The following PSPH variants were observed in gnomAD, a reference collection of about 807,000 sequenced individuals.
PSPH encodes L-3-phosphoserine phosphatase.
PSPH carries 16 observed loss-of-function variants against 23.4 expected under a neutral mutation model. That is an observed-to-expected ratio of 0.68 (90% CI 0.46 to 1.04). PSPH has a LOEUF of 1.04. Among genes scored for constraint, PSPH ranks in the 50% least tolerant of loss-of-function variants. The pLI, the probability that PSPH is intolerant of heterozygous loss-of-function variation, is 0.00. For missense variants in PSPH, 223 were observed against 273.7 expected, an observed-to-expected ratio of 0.81 and a Z score of 1.31; for synonymous variants, 68 against 99.7, an observed-to-expected ratio of 0.68 and a Z score of 1.89.
intron 3 of PSPH, among the ~76,000 whole-genome samples, chr7:56,023,748 A>G (rs1789782916): frequency 6.6e-6 from 1 of 152,080 alleles, no homozygotes; most frequent in South Asian, 2.1e-4. Flanking sequence ...CCACTGCTCA[A>G]CTGATTTCCA....
chr7:56,043,800 C>T (rs982330461), intron 1 of PSPH, among the ~76,000 whole-genome samples: 7 of 152,072 alleles, frequency 4.6e-5, no homozygotes, highest in African/African-American at 1.7e-4. Context: ...TGCACTCCAG[C>T]CTGAGCAACA....
chr7:56,023,148 C>T (rs1392550099), intron 3 of PSPH, among the ~76,000 whole-genome samples: 2 of 152,046 alleles, frequency 1.3e-5, no homozygotes, highest in African/African-American at 4.8e-5. Flanking sequence ...TGCAGGACCA[C>T]CACCTTTATG....
chr7:56,049,294 A>G (rs1793675044), intron 1 of PSPH, among the ~76,000 whole-genome samples: 1 of 150,542 alleles, frequency 6.6e-6, no homozygotes, highest in African/African-American at 2.4e-5. Context: ...CCTTGCTCCC[A>G]CCCCCTGACA....
chr7:56,013,391 C>T (rs989972714), intron 7 of PSPH, among the ~76,000 whole-genome samples: 2 of 151,874 alleles, frequency 1.3e-5, no homozygotes, highest in Admixed American at 6.6e-5. Context: ...TGGTGGCATG[C>T]GCCTGCAGTC....
At chr7:56,048,042 G>A (rs1793489799) in intron 1 of PSPH, among the ~76,000 whole-genome samples, 1 of 151,888 alleles carries the variant, frequency 6.6e-6, no homozygotes, top group South Asian at 2.1e-4. Flanking sequence ...ACTTTGGGAG[G>A]CCAAGGCAGG....
intron 7 of PSPH, 146 bp from the exon 8 acceptor site, chr7:56,012,015 C>T (rs2116433091): frequency 3.0e-6 from 2 of 672,788 alleles, no homozygotes; most frequent in South Asian, 3.4e-5. Context: ...AAGTGATTCT[C>T]ATGCCTCAGC....
intron 1 of PSPH, among the ~76,000 whole-genome samples, chr7:56,039,257 G>A (rs565277291): frequency 1.3e-5 from 2 of 151,466 alleles, no homozygotes; most frequent in South Asian, 4.2e-4. Flanking sequence ...TTTAAAAAGA[G>A]ACTATCATTT....
At chr7:56,033,078 T>C (rs1182738282) in intron 2 of PSPH, 1 of 152,188 alleles carries the variant, frequency 6.6e-6, no homozygotes, top group Non-Finnish European at 1.5e-5. Flanking sequence ...GGTCATGATA[T>C]TGAAAACCTA....
At position 56,032,060 on chromosome 7, in the gene PSPH, AAGAG is replaced by A. The variant is rs1469138941; in HGVS notation, c.-145-10_-145-7del. The A allele has an allele frequency of 1.3e-5, 2 of 152,744 alleles. No individual in the cohort carries two copies. Among genetic ancestry groups the A allele is most frequent in the African/African-American group, 4.8e-5 (2 of 41,452 alleles). The allele number at this position is 152,744 out of a possible 1,614,324, so 9.5% of individuals were successfully genotyped here. ...GATTCTGCAAGAGCAAGAGCCTAGA[AAGAG>A]AGAATGAGGAAATGAACATCGAAGT... On this transcript the variant is annotated splice_polypyrimidine_tract_variant and splice_region_variant and intron_variant, in intron 2 of 7. Transcript: ENST00000275605.
intron 3 of PSPH, among the ~76,000 whole-genome samples, chr7:56,031,045 A>T (rs543170786): frequency 6.7e-6 from 1 of 150,098 alleles, no homozygotes; most frequent in South Asian, 2.1e-4. Flanking sequence ...CCCCGTCTCT[A>T]CTAAAAATAT....
chr7:56,030,505 T>C (rs1017045361), intron 3 of PSPH, among the ~76,000 whole-genome samples: 2 of 152,070 alleles, frequency 1.3e-5, no homozygotes, highest in African/African-American at 4.8e-5. Context: ...GAGGCCGTTA[T>C]CCTAAGTGAA....
chr7:56,021,298 T>A, intron 3 of PSPH, 67 bp from the exon 4 acceptor site: 2 of 1,460,454 alleles, frequency 1.4e-6, no homozygotes, highest in Non-Finnish European at 9.4e-7. Flanking sequence ...CCACCTTGCC[T>A]ACTAAGCCAA....
intron 1 of PSPH, among the ~76,000 whole-genome samples, chr7:56,046,300 C>T (rs976906940): frequency 2.0e-5 from 3 of 152,064 alleles, no homozygotes; most frequent in African/African-American, 7.2e-5. Flanking sequence ...TCATGCCTGG[C>T]TAATTGTGTA....
chr7:56,029,537 A>G (rs1790659918), intron 3 of PSPH, among the ~76,000 whole-genome samples: 3 of 150,854 alleles, frequency 2.0e-5, no homozygotes, highest in Non-Finnish European at 2.9e-5. Context: ...AGGCCTTCTC[A>G]TCCCTAGTTC....
At chr7:56,044,004 T>C (rs1271893519) in intron 1 of PSPH, among the ~76,000 whole-genome samples, 1 of 152,156 alleles carries the variant, frequency 6.6e-6, no homozygotes, top group Non-Finnish European at 1.5e-5. Flanking sequence ...TTGCCCAGGC[T>C]GAAGTGCAAT....
At chr7:56,049,468 C>T (rs116356429) in intron 1 of PSPH, among the ~76,000 whole-genome samples, 1 of 151,782 alleles carries the variant, frequency 6.6e-6, no homozygotes, top group African/African-American at 2.4e-5. Context: ...AGACAAGTCT[C>T]GCTGTTGTTG....
In PSPH at chr7:56,021,564, C is replaced by T. The variant is rs191794308; in HGVS notation, c.-19-333G>A. On this transcript the variant is annotated intron_variant, in intron 3 of 7. Coordinates refer to ENST00000275605, the MANE Select transcript of PSPH (RefSeq NM_004577.4). Reference sequence around the variant, plus strand: ...CTCCTGAGTAGCTCAAATACCTGTGCCTCCTTGAAGCCATCTTTCTTTTCT... The same window carrying T: ...CTCCTGAGTAGCTCAAATACCTGTGTCTCCTTGAAGCCATCTTTCTTTTCT... Among the ~76,000 whole-genome samples the T allele has an allele frequency of 7.2e-4, 91 of 126,528 alleles. 1 individual carries two copies. The highest frequency in any genetic ancestry group is 1.9e-3 in the Admixed American group (24 of 12,636). The allele number at this position is 126,528 out of a possible 152,430, so 83.0% of individuals were successfully genotyped here.
intron 1 of PSPH, among the ~76,000 whole-genome samples, chr7:56,050,793 C>G (rs1471367459): frequency 1.3e-5 from 2 of 152,194 alleles, no homozygotes; most frequent in African/African-American, 4.8e-5. Flanking sequence ...TTGCTTGTCT[C>G]TAGTGTTGAA....
chr7:56,044,100 G>A (rs756087594), intron 1 of PSPH, among the ~76,000 whole-genome samples: 11 of 151,928 alleles, frequency 7.2e-5, no homozygotes, highest in Non-Finnish European at 1.6e-4. Flanking sequence ...GGGAATACAC[G>A]CCTGGCTAAT....
Sources: allele counts gnomAD v4.1 joint callset (sites outside exome capture counted in the v4.1 genomes callset), GRCh38; gene constraint gnomAD v4.1.1; transcripts MANE v1.5; gene names NCBI Gene and HGNC (gene_info 2026-07-23, HGNC 2026-07-21).